Variants in CTNND2 observed in about 807,000 individuals in gnomAD.
CTNND2 encodes the protein catenin delta-2.
In CTNND2, 22 loss-of-function variants were observed where a neutral mutation model predicts 144.4. The observed-to-expected ratio is 0.15, with a 90% CI of 0.11 to 0.22. The LOEUF is 0.22. CTNND2 is among the 10% of genes least tolerant of loss of function. The pLI, the probability that CTNND2 is intolerant of heterozygous loss-of-function variation, is 1.00. For missense variants in CTNND2, 1,353 were observed against 1,618.8 expected, an observed-to-expected ratio of 0.84 and a Z score of 2.82; for synonymous variants, 751 against 695.6, an observed-to-expected ratio of 1.08 and a Z score of -1.25.
At chr5:11,107,033 G>A (rs912325246) in intron 14 of CTNND2, among the ~76,000 whole-genome samples, 1 of 152,144 alleles carries the variant, frequency 6.6e-6, no homozygotes, top group African/African-American at 2.4e-5. Context: ...TCAAGAGACC[G>A]GAGTTCTACA....
At chr5:11,236,602 TCTC>T (rs1320853460) in intron 10 of CTNND2, 86 bp downstream of exon 10, 63 of 1,374,392 alleles carry the variant, frequency 4.6e-5, no homozygotes, top group Non-Finnish European at 6.3e-5. Context: ...TAACTTCAGT[TCTC>T]CTAATTCTTT....
chr5:11,560,160 T>C (rs1336934969), intron 3 of CTNND2, among the ~76,000 whole-genome samples: 1 of 152,226 alleles, frequency 6.6e-6, no homozygotes, highest in African/African-American at 2.4e-5. Context: ...CAAAGAGTAC[T>C]AGCCCTCAGG....
intron 1 of CTNND2, among the ~76,000 whole-genome samples, chr5:11,747,653 C>T (rs1220404833): frequency 3.9e-5 from 6 of 152,104 alleles, no homozygotes; most frequent in Admixed American, 6.6e-5. Flanking sequence ...TAAACAAATA[C>T]ACAGTTTTCC....
intron 3 of CTNND2, among the ~76,000 whole-genome samples, chr5:11,493,336 G>T (rs1157631212): frequency 6.6e-6 from 1 of 152,022 alleles, no homozygotes; most frequent in Non-Finnish European, 1.5e-5. Flanking sequence ...GAGATTTCAG[G>T]CTCCACAACT....
chr5:11,407,305 T>C (rs541025693), intron 5 of CTNND2, among the ~76,000 whole-genome samples: 1 of 152,354 alleles, frequency 6.6e-6, no homozygotes, highest in Admixed American at 6.5e-5. Context: ...ACAATATTTG[T>C]TAAAATTGAA....
chr5:11,101,929 A>G (rs569532553), intron 14 of CTNND2, among the ~76,000 whole-genome samples: 1 of 105,918 alleles, frequency 9.4e-6, no homozygotes, highest in African/African-American at 4.0e-5. Flanking sequence ...GTGTGTTTAC[A>G]TCTTCACTCC....
intron 1 of CTNND2, among the ~76,000 whole-genome samples, chr5:11,746,688 C>A (rs1788334984): frequency 6.6e-6 from 1 of 152,104 alleles, no homozygotes. Flanking sequence ...TTCATGAATT[C>A]TTTGAGCACA....
chr5:11,789,671 T>C (rs1335797226), intron 1 of CTNND2, among the ~76,000 whole-genome samples: 1 of 152,184 alleles, frequency 6.6e-6, no homozygotes, highest in Non-Finnish European at 1.5e-5. Flanking sequence ...GACTATAAAG[T>C]CTACAAATAA....
chr5:11,198,286 A>G (rs1449498161), intron 11 of CTNND2, among the ~76,000 whole-genome samples: 1 of 152,144 alleles, frequency 6.6e-6, no homozygotes, highest in Non-Finnish European at 1.5e-5. Context: ...AACAATTATT[A>G]TTTTTTCCAC....
At chr5:11,470,278 T>C (rs973632993) in intron 3 of CTNND2, among the ~76,000 whole-genome samples, 5 of 152,016 alleles carry the variant, frequency 3.3e-5, no homozygotes, top group Non-Finnish European at 7.4e-5. Flanking sequence ...TCCATTAAAA[T>C]ACAAAATTAG....
chr5:11,148,721 C>T (rs1354780279), intron 12 of CTNND2, among the ~76,000 whole-genome samples: 1 of 152,198 alleles, frequency 6.6e-6, no homozygotes, highest in African/African-American at 2.4e-5. Context: ...GCTCTACCTT[C>T]CCAAGGCCTC....
At chr5:11,530,937 T>C (rs32432) in intron 3 of CTNND2, among the ~76,000 whole-genome samples, 152,127 of 152,286 alleles carry the variant, frequency 1, 75,986 homozygotes, top group Middle Eastern at 1. Context: ...AAAGCAGCAC[T>C]CTGTTTACAC....
chr5:11,018,707 C>CTTTTTTTTTT (rs35528177), intron 17 of CTNND2, among the ~76,000 whole-genome samples: 1 of 129,618 alleles, frequency 7.7e-6, no homozygotes, highest in Non-Finnish European at 1.6e-5. Flanking sequence ...GGCCCTGACT[C>CTTTTTTTTTT]TTTTTTTTTT....
At chr5:11,511,465 G>A (rs1035685901) in intron 3 of CTNND2, among the ~76,000 whole-genome samples, 1 of 152,048 alleles carries the variant, frequency 6.6e-6, no homozygotes, top group African/African-American at 2.4e-5. Flanking sequence ...AGTGAGTGGG[G>A]AGCCAGGACA....
Position 11,052,825 on chromosome 5 carries a change from T to C in CTNND2, c.2789-29846A>G, listed in dbSNP as rs555682703. ...TAAGGGCATCTGAGGCAGCTGCTAG[T>C]TGGCAACACTTAAGTAACACTAGAA... is the stretch of plus-strand genomic sequence containing the variant. On this transcript the variant is annotated intron_variant, in intron 16 of 21. Transcript: ENST00000304623. 1.2e-4 allele frequency among the ~76,000 whole-genome samples: 19 copies of C among 152,216 alleles called. 1 individual carries two copies. Among genetic ancestry groups the C allele is most frequent in the African/African-American group, 4.6e-4 (19 of 41,556 alleles).
chr5:11,423,355 T>C (rs1404811541), intron 3 of CTNND2, among the ~76,000 whole-genome samples: 2 of 152,214 alleles, frequency 1.3e-5, no homozygotes, highest in African/African-American at 2.4e-5. Context: ...GCTCACTGCA[T>C]CTCTCAGGTG....
At chr5:11,887,065 G>A (rs963800897) in intron 1 of CTNND2, among the ~76,000 whole-genome samples, 3 of 136,944 alleles carry the variant, frequency 2.2e-5, no homozygotes, top group Admixed American at 8.6e-5. Flanking sequence ...CTCACTGCAA[G>A]CTCTGCCTCC....
At chr5:11,842,089 C>A (rs147577539) in intron 1 of CTNND2, among the ~76,000 whole-genome samples, 35 of 151,804 alleles carry the variant, frequency 2.3e-4, no homozygotes, top group African/African-American at 7.5e-4. Flanking sequence ...ATGTAATTTG[C>A]TGAATTATTT....
At chr5:11,177,043 A>G (rs949460219) in intron 11 of CTNND2, among the ~76,000 whole-genome samples, 2 of 152,108 alleles carry the variant, frequency 1.3e-5, no homozygotes, top group Non-Finnish European at 2.9e-5. Flanking sequence ...TTAAAATATG[A>G]CCTCTCTTCT....
Sources: gnomAD v4.1 joint callset for allele counts (sites outside exome capture counted in the v4.1 genomes callset) on GRCh38, gnomAD v4.1.1 for gene constraint, MANE v1.5 for transcripts, NCBI Gene and HGNC (gene_info 2026-07-23, HGNC 2026-07-21) for gene names.